PTPN3: variants seen among roughly 807,000 people sequenced by gnomAD.
PTPN3 encodes tyrosine-protein phosphatase non-receptor type 3.
PTPN3 carries 96 observed loss-of-function variants against 132.7 expected under a neutral mutation model. That is an observed-to-expected ratio of 0.72 (90% CI 0.61 to 0.86). The LOEUF (loss-of-function observed/expected upper bound fraction) is 0.86, where lower values mean the gene tolerates loss of function less well. Ranked by LOEUF, PTPN3 falls within the 40% of genes least tolerant of loss-of-function variation. The pLI is 0.00. For synonymous variants in PTPN3, 398 were observed against 429.0 expected (o/e 0.93, Z 0.89); for missense variants, 1,125 against 1,159.6 (o/e 0.97, Z 0.43).
rs759859559 is a variant in PTPN3 at position 109,382,338 on chromosome 9, A to AC, written c.2491_2492insG (p.Leu831ArgfsTer33). On this transcript the variant is annotated frameshift_variant, in exon 24 of 26. Coordinates refer to ENST00000374541, the MANE Select transcript of PTPN3 (RefSeq NM_002829.4). LOFTEE classifies it high-confidence loss of function. ...TAGGACGGGCTCGCTGTCCACTCTC[A>AC]GAGACCTCACATAGTTTACAAATTC... The AC allele has an allele frequency of 6.2e-7, 1 of 1,614,064 alleles. No homozygotes were observed. Among genetic ancestry groups the AC allele is most frequent in the Non-Finnish European group, 8.5e-7 (1 of 1,179,952 alleles).
chr9:109,490,988 A>G (rs1159663924), intron 1 of PTPN3, among the ~76,000 whole-genome samples: 1 of 151,730 alleles, frequency 6.6e-6, no homozygotes. Context: ...ACTTGAGGTC[A>G]GGAGTTCGAG....
chr9:109,426,237 T>C (rs1183179691), intron 12 of PTPN3, among the ~76,000 whole-genome samples: 1 of 149,210 alleles, frequency 6.7e-6, no homozygotes, highest in Non-Finnish European at 1.5e-5. Flanking sequence ...TTACTGTACA[T>C]CATTTTATTT....
At chr9:109,410,588 C>T (rs752727658) in intron 14 of PTPN3, among the ~76,000 whole-genome samples, 173 bp from the exon 15 acceptor site, 14 of 152,148 alleles carry the variant, frequency 9.2e-5, no homozygotes, top group African/African-American at 2.4e-4. Context: ...CACCCCTGAC[C>T]GCATCTGGCC....
At chr9:109,406,751 C>G in intron 17 of PTPN3, 133 bp from the exon 18 acceptor site, 1 of 1,095,688 alleles carries the variant, frequency 9.1e-7, no homozygotes. Context: ...GTAGTACTGT[C>G]ATTATTTGTA....
chr9:109,531,428 G>A, the PTPN3 span, among the ~76,000 whole-genome samples: 282 of 152,256 alleles, frequency 1.9e-3, 2 homozygotes, highest in Non-Finnish European at 3.3e-3. Flanking sequence ...TGCCAAAAGC[G>A]TCCTGGGAAT....
intron 14 of PTPN3, among the ~76,000 whole-genome samples, chr9:109,419,961 T>C (rs1842776840): frequency 6.6e-6 from 1 of 152,308 alleles, no homozygotes; most frequent in African/African-American, 2.4e-5. Flanking sequence ...TAACTATTAA[T>C]TGAAAACAAA....
At chr9:109,525,765 G>T in the PTPN3 span, among the ~76,000 whole-genome samples, 2 of 152,202 alleles carry the variant, frequency 1.3e-5, no homozygotes, top group African/African-American at 4.8e-5. Flanking sequence ...GGCACTAGGA[G>T]AACTTTTTGG....
At chr9:109,488,855 T>C (rs1489132025) in intron 1 of PTPN3, among the ~76,000 whole-genome samples, 3 of 152,162 alleles carry the variant, frequency 2.0e-5, no homozygotes, top group African/African-American at 7.2e-5. Context: ...TTTCTCTGCA[T>C]CCAAGTCCCT....
rs1188697570 is a variant in PTPN3, at chr9:109,377,084, C to G, written c.*2472G>C. The G allele has an allele frequency of 6.6e-6, 1 of 152,194 alleles. No individual in the cohort carries two copies. Among genetic ancestry groups the G allele is most frequent in the African/African-American group, 2.4e-5 (1 of 41,448 alleles). 9.4% of individuals were successfully genotyped at this position (152,194 alleles called of 1,614,324 possible). The stretch of plus-strand genomic sequence containing the variant: ...GACTACTTTGCAAGCATTTTGCACA[C>G]AGGGTGATGATGCATTTTTACCAAA... On this transcript the variant is annotated 3_prime_UTR_variant, in exon 26 of 26. Coordinates refer to ENST00000374541, the MANE Select transcript of PTPN3 (RefSeq NM_002829.4).
chr9:109,442,331 A>G (rs543530439), intron 7 of PTPN3, among the ~76,000 whole-genome samples: 1 of 152,302 alleles, frequency 6.6e-6, no homozygotes, highest in East Asian at 1.9e-4. Flanking sequence ...TACAGGCGTG[A>G]ACCACCGTGC....
chr9:109,519,845 A>G, the PTPN3 span, among the ~76,000 whole-genome samples: 3 of 152,200 alleles, frequency 2.0e-5, no homozygotes, highest in Non-Finnish European at 4.4e-5. Context: ...ACAGATTAAG[A>G]TCCAGAGCCT....
At chr9:109,414,065 C>T (rs543866194) in intron 14 of PTPN3, among the ~76,000 whole-genome samples, 1 of 152,212 alleles carries the variant, frequency 6.6e-6, no homozygotes, top group African/African-American at 2.4e-5. Flanking sequence ...GAACACAGGA[C>T]CAGGCACACA....
At chr9:109,380,965 C>CGAT (rs1409623446) in intron 25 of PTPN3, among the ~76,000 whole-genome samples, 15 of 152,266 alleles carry the variant, frequency 9.9e-5, no homozygotes, top group South Asian at 4.2e-4. Flanking sequence ...TTAGCATAGA[C>CGAT]TAATCCAGTT....
chr9:109,443,572 C>A (rs1844642411), intron 7 of PTPN3, among the ~76,000 whole-genome samples: 1 of 152,154 alleles, frequency 6.6e-6, no homozygotes. Flanking sequence ...GCCTCATAAA[C>A]CTGAAGCTCA....
At chr9:109,522,265 C>T in the PTPN3 span, among the ~76,000 whole-genome samples, 3 of 152,186 alleles carry the variant, frequency 2.0e-5, no homozygotes, top group Non-Finnish European at 2.9e-5. Context: ...AAATCCTAGC[C>T]AATGTCTTGT....
At chr9:109,398,245 G>A (rs1840760405) in intron 19 of PTPN3, among the ~76,000 whole-genome samples, 1 of 152,326 alleles carries the variant, frequency 6.6e-6, no homozygotes, top group Admixed American at 6.5e-5. Flanking sequence ...ATCACACACT[G>A]CTGCACTCCT....
intron 10 of PTPN3, among the ~76,000 whole-genome samples, chr9:109,432,440 C>G (rs947947267): frequency 3.3e-5 from 5 of 152,140 alleles, no homozygotes; most frequent in African/African-American, 9.7e-5. Context: ...ATGCGTGCTA[C>G]CCCCATTCCT....
intron 1 of PTPN3, among the ~76,000 whole-genome samples, chr9:109,487,104 G>A (rs1205516184): frequency 1.3e-5 from 2 of 152,200 alleles, no homozygotes; most frequent in Non-Finnish European, 2.9e-5. Context: ...ACAGACCTGT[G>A]AGCCCCTGCT....
At chr9:109,383,361 G>C (rs1426041029) in intron 23 of PTPN3, 62 bp downstream of exon 23, 1 of 1,613,062 alleles carries the variant, frequency 6.2e-7, no homozygotes, top group Non-Finnish European at 8.5e-7. Flanking sequence ...GACCACCTGG[G>C]ATGACAGTGG....
Sources: gnomAD v4.1 joint callset for allele counts (sites outside exome capture counted in the v4.1 genomes callset) on GRCh38, gnomAD v4.1.1 for gene constraint, MANE v1.5 for transcripts, NCBI Gene and HGNC (gene_info 2026-07-23, HGNC 2026-07-21) for gene names.